The following FCHSD2 variants were observed in gnomAD, a reference collection of about 807,000 sequenced individuals.
The protein encoded by FCHSD2 is F-BAR and double SH3 domains protein 2.
A neutral mutation model predicts 108.1 loss-of-function variants in FCHSD2; 38 were observed. The observed-to-expected ratio is 0.35, with a 90% confidence interval of 0.27 to 0.46. FCHSD2 has a LOEUF of 0.46. Ranked by LOEUF, FCHSD2 falls within the 20% of genes least tolerant of loss-of-function variation. The pLI is 1.00. For synonymous variants in FCHSD2, 279 were observed against 314.7 expected, an observed-to-expected ratio of 0.89 and a Z score of 1.20; for missense variants, 751 against 897.8, an observed-to-expected ratio of 0.84 and a Z score of 2.09.
intron 9 of FCHSD2, among the ~76,000 whole-genome samples, chr11:72,904,416 T>G (rs1398202288): frequency 2.6e-5 from 4 of 152,120 alleles, no homozygotes; most frequent in Non-Finnish European, 5.9e-5. Flanking sequence ...TTATGGAAAA[T>G]TTCAAATACA....
chr11:73,107,719 C>T (rs1436230938), intron 2 of FCHSD2, among the ~76,000 whole-genome samples: 1 of 152,188 alleles, frequency 6.6e-6, no homozygotes, highest in Non-Finnish European at 1.5e-5. Context: ...CTGTGTCTGG[C>T]TTATTACACT....
At chr11:72,856,605 G>A (rs1409301713) in intron 13 of FCHSD2, among the ~76,000 whole-genome samples, 1 of 152,180 alleles carries the variant, frequency 6.6e-6, no homozygotes. Context: ...TTTCAAAGCT[G>A]CTGAAATATT....
intron 10 of FCHSD2, chr11:72,900,212 C>T: frequency 7.9e-7 from 1 of 1,260,042 alleles, no homozygotes; most frequent in South Asian, 1.3e-5. Context: ...AACATGCAAA[C>T]CCACACTTCC....
intron 3 of FCHSD2, among the ~76,000 whole-genome samples, chr11:73,028,476 C>T (rs1858281012): frequency 6.6e-6 from 1 of 152,206 alleles, no homozygotes; most frequent in Non-Finnish European, 1.5e-5. Flanking sequence ...TTGGAAGTAA[C>T]TAACTTGCTT....
intron 2 of FCHSD2, among the ~76,000 whole-genome samples, chr11:73,137,004 G>A (rs1200875978): frequency 2.0e-5 from 3 of 152,166 alleles, no homozygotes; most frequent in Non-Finnish European, 4.4e-5. Context: ...CTCCAGCCTA[G>A]CCAACAGAGC....
intron 12 of FCHSD2, among the ~76,000 whole-genome samples, chr11:72,882,169 A>G (rs7124419): frequency 1 from 150,345 of 150,918 alleles, 74,887 homozygotes; most frequent in Non-Finnish European, 1. Context: ...GAGGCTGGGC[A>G]TGGTGGCTCA....
intron 8 of FCHSD2, among the ~76,000 whole-genome samples, chr11:72,941,689 A>G (rs1259800752): frequency 6.6e-6 from 1 of 152,210 alleles, no homozygotes; most frequent in Non-Finnish European, 1.5e-5. Context: ...GTTTAAATAT[A>G]AAATACAGTT....
intron 2 of FCHSD2, among the ~76,000 whole-genome samples, chr11:73,091,838 G>C (rs1312389276): frequency 6.6e-6 from 1 of 152,064 alleles, no homozygotes; most frequent in African/African-American, 2.4e-5. Context: ...TCAGAAGTTC[G>C]TGACTAGCCT....
chr11:72,984,626 C>T (rs796907309), intron 7 of FCHSD2, among the ~76,000 whole-genome samples: 22 of 152,318 alleles, frequency 1.4e-4, no homozygotes, highest in African/African-American at 5.1e-4. Context: ...AGTTTGAAGC[C>T]TGGCAGCCAC....
At chr11:72,862,793 G>A (rs1271451960) in intron 13 of FCHSD2, among the ~76,000 whole-genome samples, 5 of 152,094 alleles carry the variant, frequency 3.3e-5, no homozygotes. Context: ...GAAGAAAGTT[G>A]GAGGACTTAC....
chr11:72,964,045 A>G (rs1044050827), intron 8 of FCHSD2, among the ~76,000 whole-genome samples: 1 of 152,264 alleles, frequency 6.6e-6, no homozygotes, highest in African/African-American at 2.4e-5. Flanking sequence ...TCCCTGAAGG[A>G]ATAAATAGTA....
At chr11:73,105,430 T>G (rs543622299) in intron 2 of FCHSD2, among the ~76,000 whole-genome samples, 2 of 152,210 alleles carry the variant, frequency 1.3e-5, no homozygotes, top group Non-Finnish European at 2.9e-5. Flanking sequence ...GGCTCTTTAT[T>G]TGGTAACATT....
At chr11:72,966,302 G>A (rs747933553) in intron 8 of FCHSD2, among the ~76,000 whole-genome samples, 5 of 151,868 alleles carry the variant, frequency 3.3e-5, no homozygotes, top group Non-Finnish European at 5.9e-5. Flanking sequence ...TGGGATTACA[G>A]GTGCCCGCCA....
intron 2 of FCHSD2, among the ~76,000 whole-genome samples, chr11:73,084,749 T>C (rs1006324232): frequency 5.9e-5 from 9 of 152,208 alleles, no homozygotes; most frequent in Admixed American, 5.2e-4. Context: ...CTTTTAATGA[T>C]GATTGGCAGT....
chr11:73,089,415 A>G (rs900368611), intron 2 of FCHSD2, among the ~76,000 whole-genome samples: 1 of 152,216 alleles, frequency 6.6e-6, no homozygotes, highest in African/African-American at 2.4e-5. Flanking sequence ...ATATGATCCA[A>G]CAATTCTATT....
intron 3 of FCHSD2, among the ~76,000 whole-genome samples, chr11:73,063,886 C>T (rs1859227646): frequency 6.6e-6 from 1 of 152,086 alleles, no homozygotes; most frequent in Admixed American, 6.5e-5. Flanking sequence ...ATTAATGAGA[C>T]AGAAAATTAA....
intron 11 of FCHSD2, among the ~76,000 whole-genome samples, chr11:72,888,334 T>A (rs1235321788): frequency 6.6e-6 from 1 of 152,176 alleles, no homozygotes; most frequent in Non-Finnish European, 1.5e-5. Flanking sequence ...GAAATCAAAG[T>A]GTCCACTTGG....
chr11:73,060,257 T>A (rs1464810266), intron 3 of FCHSD2, among the ~76,000 whole-genome samples: 1 of 152,212 alleles, frequency 6.6e-6, no homozygotes, highest in Non-Finnish European at 1.5e-5. Flanking sequence ...TGTACCATAT[T>A]TTGGCATTTA....
intron 3 of FCHSD2, among the ~76,000 whole-genome samples, chr11:73,022,266 C>T (rs557176293): frequency 1.3e-5 from 2 of 151,714 alleles, no homozygotes; most frequent in Admixed American, 6.6e-5. Context: ...CTACTTAGTA[C>T]AATAAGGCAA....
Sources: allele counts gnomAD v4.1 joint callset (sites outside exome capture counted in the v4.1 genomes callset), GRCh38; gene constraint gnomAD v4.1.1; transcripts MANE v1.5; gene names NCBI Gene and HGNC (gene_info 2026-07-23, HGNC 2026-07-21).